The following DLGAP1 variants were observed in gnomAD, a reference collection of about 807,000 sequenced individuals.
DLGAP1 encodes the protein DLG associated protein 1, also known as disks large-associated protein 1.
In DLGAP1, 11 loss-of-function variants were observed where a neutral mutation model predicts 90.8. That is an observed-to-expected ratio of 0.12 (90% CI 0.08 to 0.20). The LOEUF (loss-of-function observed/expected upper bound fraction) is 0.20. Among genes scored for constraint, DLGAP1 ranks in the 10% least tolerant of loss-of-function variants. The probability of loss-of-function intolerance (pLI) is 1.00; values close to 1 mark genes in which losing one functional copy is unlikely to be tolerated. For synonymous variants in DLGAP1, 558 were observed against 540.7 expected, an observed-to-expected ratio of 1.03 and a Z score of -0.44; for missense variants, 1,050 against 1,333.8, an observed-to-expected ratio of 0.79 and a Z score of 3.31.
intron 1 of DLGAP1, among the ~76,000 whole-genome samples, chr18:4,351,923 G>A (rs188924192): frequency 1.4e-4 from 21 of 152,200 alleles, no homozygotes; most frequent in Admixed American, 7.2e-4. Context: ...AAAGCAACAC[G>A]TAGTTTTTCC....
chr18:3,916,700 A>G (rs2072152177), intron 3 of DLGAP1, among the ~76,000 whole-genome samples: 1 of 152,196 alleles, frequency 6.6e-6, no homozygotes, highest in Admixed American at 6.5e-5. Flanking sequence ...CACAGACCTC[A>G]GAGTCTGTGC....
At chr18:3,710,807 T>G (rs2061574696) in intron 7 of DLGAP1, among the ~76,000 whole-genome samples, 1 of 151,538 alleles carries the variant, frequency 6.6e-6, no homozygotes, top group African/African-American at 2.4e-5. Context: ...AGTTGGGAGG[T>G]GGAGGAAGGA....
chr18:4,150,887 A>G (rs748139649), intron 2 of DLGAP1, among the ~76,000 whole-genome samples: 1 of 152,232 alleles, frequency 6.6e-6, no homozygotes, highest in Non-Finnish European at 1.5e-5. Context: ...TTGGGTCCAC[A>G]GATTTATAAA....
chr18:4,103,877 CAT>C (rs1490791787), intron 2 of DLGAP1, among the ~76,000 whole-genome samples: 2 of 152,104 alleles, frequency 1.3e-5, no homozygotes, highest in African/African-American at 2.4e-5. Context: ...ACTAGCTACA[CAT>C]AGTTCATATA....
intron 5 of DLGAP1, among the ~76,000 whole-genome samples, chr18:3,761,542 C>G (rs887945765): frequency 6.6e-6 from 1 of 151,294 alleles, no homozygotes; most frequent in Non-Finnish European, 1.5e-5. Context: ...GTGATGAGTA[C>G]GAGTGTATCT....
intron 9 of DLGAP1, among the ~76,000 whole-genome samples, chr18:3,567,211 G>C (rs769162270): frequency 6.6e-6 from 1 of 151,614 alleles, no homozygotes; most frequent in Non-Finnish European, 1.5e-5. Flanking sequence ...TATTTTTTTT[G>C]TTTTCAGAGG....
chr18:4,220,944 G>A (rs936335042), intron 1 of DLGAP1, among the ~76,000 whole-genome samples: 2 of 152,138 alleles, frequency 1.3e-5, no homozygotes, highest in East Asian at 1.9e-4. Flanking sequence ...GTTTAGATAT[G>A]TTTAGATACA....
chr18:4,253,433 C>G (rs1342543788), intron 1 of DLGAP1, among the ~76,000 whole-genome samples: 2 of 152,098 alleles, frequency 1.3e-5, no homozygotes, highest in African/African-American at 2.4e-5. Flanking sequence ...TGTTTTGAGG[C>G]AGAGTCTCAC....
intron 5 of DLGAP1, among the ~76,000 whole-genome samples, chr18:3,801,362 C>A (rs956959867): frequency 6.6e-5 from 10 of 152,284 alleles, no homozygotes; most frequent in Admixed American, 1.3e-4. Context: ...CGGTACCATC[C>A]TAATCTCTGC....
chr18:3,525,470 G>A (rs1172695809), intron 10 of DLGAP1, among the ~76,000 whole-genome samples: 1 of 152,102 alleles, frequency 6.6e-6, no homozygotes, highest in Non-Finnish European at 1.5e-5. Flanking sequence ...CGTGATCTCG[G>A]CTCACTGCAA....
chr18:4,245,876 T>C (rs754703141), intron 1 of DLGAP1, among the ~76,000 whole-genome samples: 1 of 151,912 alleles, frequency 6.6e-6, no homozygotes, highest in Non-Finnish European at 1.5e-5. Flanking sequence ...CCCCGACTCA[T>C]CTTGGGGACA....
intron 12 of DLGAP1, 161 bp downstream of exon 12, chr18:3,502,332 C>T (rs1242194940): frequency 5.0e-6 from 7 of 1,394,044 alleles, no homozygotes; most frequent in African/African-American, 2.9e-5. Flanking sequence ...AGATAATATC[C>T]CAAATGATTA....
intron 3 of DLGAP1, among the ~76,000 whole-genome samples, chr18:3,930,766 A>AG (rs1447579913): frequency 6.6e-6 from 1 of 152,196 alleles, no homozygotes; most frequent in Non-Finnish European, 1.5e-5. Flanking sequence ...ACAGTGGTCC[A>AG]GAGAGCTCTT....
chr18:3,931,517 C>T lies in DLGAP1; in HGVS notation c.-72-51377G>A, dbSNP rs188878027. On this transcript the variant is annotated intron_variant, in intron 3 of 12. Coordinates refer to ENST00000315677, the MANE Select transcript of DLGAP1 (RefSeq NM_004746.4). Reference sequence around the variant, plus strand: ...ATCTAGATTCCTGGGCCCTGTTTCCCTTTGTCTCAATAGGATAAGGTAGGA... The same window carrying T: ...ATCTAGATTCCTGGGCCCTGTTTCCTTTTGTCTCAATAGGATAAGGTAGGA... Among the ~76,000 whole-genome samples the T allele has an allele frequency of 1.0e-3, 155 of 152,198 alleles. 3 individuals are homozygous for T. The highest frequency in any genetic ancestry group is 6.8e-3 in the Middle Eastern group (2 of 294).
At chr18:4,265,626 CTTCCCTCCCTCCCCT>C (rs2079103565) in intron 1 of DLGAP1, among the ~76,000 whole-genome samples, 2 of 61,910 alleles carry the variant, frequency 3.2e-5, no homozygotes, top group African/African-American at 2.5e-4. Flanking sequence ...CCTCCCTCCC[CTTCCCTCCCTCCCCT>C]TCCCTCCCTC....
chr18:3,968,869 G>C (rs1278375796), intron 3 of DLGAP1, among the ~76,000 whole-genome samples: 1 of 151,868 alleles, frequency 6.6e-6, no homozygotes, highest in African/African-American at 2.4e-5. Context: ...AAAATAATTA[G>C]CAACAAGAAG....
intron 6 of DLGAP1, among the ~76,000 whole-genome samples, chr18:3,735,054 T>G (rs2062583795): frequency 6.6e-6 from 1 of 152,208 alleles, no homozygotes; most frequent in South Asian, 2.1e-4. Flanking sequence ...TAAATTTACT[T>G]AGATGTAGTT....
At chr18:4,418,703 C>A (rs974709482) in intron 1 of DLGAP1, among the ~76,000 whole-genome samples, 7 of 151,692 alleles carry the variant, frequency 4.6e-5, no homozygotes, top group African/African-American at 1.7e-4. Context: ...AGCAGAGTAT[C>A]CAAGAGAGGT....
chr18:4,348,186 G>A (rs1434290222), intron 1 of DLGAP1, among the ~76,000 whole-genome samples: 2 of 152,054 alleles, frequency 1.3e-5, no homozygotes, highest in Non-Finnish European at 2.9e-5. Flanking sequence ...ATGAAATTGC[G>A]ACTGTGAGAC....
Sources: allele counts gnomAD v4.1 joint callset (sites outside exome capture counted in the v4.1 genomes callset), GRCh38; gene constraint gnomAD v4.1.1; transcripts MANE v1.5; gene names NCBI Gene and HGNC (gene_info 2026-07-23, HGNC 2026-07-21).